Variants in VPS13B observed in about 807,000 individuals in gnomAD.
The protein encoded by VPS13B is intermembrane lipid transfer protein VPS13B.
In VPS13B, 285 loss-of-function variants were observed where a neutral mutation model predicts 426.4. The observed-to-expected ratio is 0.67, with a 90% CI of 0.61 to 0.74. The LOEUF (loss-of-function observed/expected upper bound fraction) is 0.74. Ranked by LOEUF, VPS13B falls within the 30% of genes least tolerant of loss-of-function variation. The pLI is 0.00. For missense variants in VPS13B, 4,537 were observed against 4,782.6 expected (o/e 0.95, Z 1.51); for synonymous variants, 1,676 against 1,676.4 (o/e 1.00, Z 0.01).
intron 25 of VPS13B, among the ~76,000 whole-genome samples, chr8:99,500,100 G>A (rs548478539): frequency 1.3e-4 from 20 of 152,236 alleles, no homozygotes; most frequent in African/African-American, 4.6e-4. Flanking sequence ...CTGCTTTTAA[G>A]TGTTTAGAGA....
chr8:99,415,960 G>T (rs1815977375), intron 21 of VPS13B, among the ~76,000 whole-genome samples: 1 of 152,214 alleles, frequency 6.6e-6, no homozygotes, highest in African/African-American at 2.4e-5. Flanking sequence ...GAGATCCACT[G>T]CTCTCTTCAG....
At chr8:99,143,913 A>G (rs1810562950) in intron 13 of VPS13B, among the ~76,000 whole-genome samples, 1 of 152,200 alleles carries the variant, frequency 6.6e-6, no homozygotes, top group Non-Finnish European at 1.5e-5. Context: ...TTTAAGGGAT[A>G]GTCATATGAC....
At chr8:99,533,929 A>G (rs1823058233) in intron 30 of VPS13B, among the ~76,000 whole-genome samples, 1 of 152,104 alleles carries the variant, frequency 6.6e-6, no homozygotes, top group African/African-American at 2.4e-5. Context: ...CCAACTTTTA[A>G]TTTCTTCCTA....
chr8:99,435,573 A>G (rs1325742334), intron 22 of VPS13B, among the ~76,000 whole-genome samples: 4 of 152,212 alleles, frequency 2.6e-5, no homozygotes, highest in Non-Finnish European at 5.9e-5. Context: ...ATTAAATAAC[A>G]GGAATAAGAT....
intron 3 of VPS13B, among the ~76,000 whole-genome samples, chr8:99,047,909 A>T (rs1041588976): frequency 6.6e-6 from 1 of 151,890 alleles, no homozygotes; most frequent in African/African-American, 2.4e-5. Context: ...GCTGGTCTTG[A>T]ACTCCTGACC....
At chr8:99,247,946 AG>A (rs762597436) in intron 17 of VPS13B, among the ~76,000 whole-genome samples, 32 of 152,196 alleles carry the variant, frequency 2.1e-4, no homozygotes, top group Non-Finnish European at 1.6e-4. Flanking sequence ...ATATTCCACA[AG>A]GGAGGAAAAC....
chr8:99,273,670 A>G (rs113834863), intron 17 of VPS13B, among the ~76,000 whole-genome samples: 3,305 of 148,446 alleles, frequency 0.022, 133 homozygotes, highest in African/African-American at 0.078. Context: ...CGTAATCCCA[A>G]CTACTAGGGA....
intron 17 of VPS13B, among the ~76,000 whole-genome samples, chr8:99,231,088 A>G (rs951130757): frequency 2.6e-5 from 4 of 152,374 alleles, no homozygotes; most frequent in Admixed American, 2.0e-4. Flanking sequence ...ATATGCTTAT[A>G]TGCTTTATGT....
intron 51 of VPS13B, among the ~76,000 whole-genome samples, chr8:99,828,699 T>C (rs1225368685): frequency 6.6e-6 from 1 of 152,132 alleles, no homozygotes; most frequent in Non-Finnish European, 1.5e-5. Context: ...GTGTTAATGG[T>C]CTTTACATTT....
Position 99,853,510 on chromosome 8 carries a change from T to C in VPS13B, c.10121T>C (p.Phe3374Ser), listed in dbSNP as rs1362757832. 6.2e-7 allele frequency: 1 copy of C among 1,614,208 alleles called. No individual in the cohort carries two copies. The highest frequency in any genetic ancestry group is 1.3e-5 in the African/African-American group (1 of 75,048). The change falls in exon 56 of 62, where the codon TTT becomes TCT. Residue 3374 changes from phenylalanine to serine, a missense_variant. Phe to Ser is a radical substitution (Grantham distance 155). Around this residue, in one of 2 missense-constraint regions of VPS13B, gnomAD observed 4,311 missense variants for 4,474.3 expected, o/e 0.96. Transcript: ENST00000357162. Reference sequence around the variant, plus strand: ...ATCACTCAGTTAAGCCTGGCAGTGTTTGATGACCTCACCCACCACAAAGCA... The same window carrying C: ...ATCACTCAGTTAAGCCTGGCAGTGTCTGATGACCTCACCCACCACAAAGCA... ...MFITQLSLAV[F>S]DDLTHHKASA...
intron 15 of VPS13B, among the ~76,000 whole-genome samples, chr8:99,160,387 C>G (rs1005724894): frequency 6.6e-6 from 1 of 152,054 alleles, no homozygotes; most frequent in Non-Finnish European, 1.5e-5. Flanking sequence ...GGCTGGGTAT[C>G]GTGGCTAACG....
intron 33 of VPS13B, among the ~76,000 whole-genome samples, chr8:99,610,238 G>A (rs778064411): frequency 2.6e-5 from 4 of 151,958 alleles, no homozygotes; most frequent in Non-Finnish European, 4.4e-5. Flanking sequence ...TCCCATTACT[G>A]GGCAAATACC....
intron 16 of VPS13B, among the ~76,000 whole-genome samples, chr8:99,176,737 T>C (rs1812653641): frequency 6.6e-6 from 1 of 152,192 alleles, no homozygotes; most frequent in African/African-American, 2.4e-5. Context: ...AAAATGCAGC[T>C]TTTATGTGGG....
chr8:99,325,967 T>C (rs529917025), intron 19 of VPS13B, among the ~76,000 whole-genome samples: 46 of 152,344 alleles, frequency 3.0e-4, no homozygotes, highest in African/African-American at 1.1e-3. Flanking sequence ...GATATGTTTT[T>C]TGGGGGTCAT....
intron 36 of VPS13B, among the ~76,000 whole-genome samples, chr8:99,716,071 C>A (rs373139544): frequency 2.6e-5 from 4 of 152,190 alleles, no homozygotes; most frequent in African/African-American, 9.6e-5. Context: ...TTCAGTTTCA[C>A]AATTTGATGA....
At chr8:99,798,539 G>C (rs1812972733) in intron 43 of VPS13B, among the ~76,000 whole-genome samples, 1 of 152,152 alleles carries the variant, frequency 6.6e-6, no homozygotes, top group Admixed American at 6.5e-5. Context: ...AAATGGCAAA[G>C]ATAGGATTGT....
At chr8:99,548,077 A>G (rs1824085379) in intron 30 of VPS13B, among the ~76,000 whole-genome samples, 1 of 152,092 alleles carries the variant, frequency 6.6e-6, no homozygotes, top group South Asian at 2.1e-4. Flanking sequence ...GCAGACGTTA[A>G]CATTAGGCAT....
At chr8:99,589,461 T>C in intron 33 of VPS13B, among the ~76,000 whole-genome samples, 1 of 151,556 alleles carries the variant, frequency 6.6e-6, no homozygotes, top group Non-Finnish European at 1.5e-5. Flanking sequence ...CGGTGTTTGG[T>C]TTTTTGTCCT....
At chr8:99,095,716 A>G (rs2132429068) in intron 3 of VPS13B, among the ~76,000 whole-genome samples, 1 of 152,322 alleles carries the variant, frequency 6.6e-6, no homozygotes, top group Admixed American at 6.5e-5. Flanking sequence ...GCAGTTATAA[A>G]TACAGGGATA....
Sources: allele counts gnomAD v4.1 joint callset (sites outside exome capture counted in the v4.1 genomes callset), GRCh38; gene constraint gnomAD v4.1.1; regional missense constraint gnomAD v4.1.1; transcripts MANE v1.5; gene names NCBI Gene and HGNC (gene_info 2026-07-23, HGNC 2026-07-21).